STK35: variants seen among roughly 807,000 people sequenced by gnomAD.
The protein encoded by STK35 is serine/threonine kinase 35.
STK35 carries 17 observed loss-of-function variants against 37.3 expected under a neutral mutation model. The ratio of observed to expected loss-of-function variants is 0.46; its 90% CI spans 0.31 to 0.68. STK35 has a LOEUF of 0.68. STK35 is among the 30% of genes least tolerant of loss of function. The probability of loss-of-function intolerance (pLI) is 0.05; values close to 1 mark genes in which losing one functional copy is unlikely to be tolerated. For missense variants in STK35, 595 were observed against 746.7 expected (o/e 0.80, Z 2.37); for synonymous variants, 385 against 319.1 (o/e 1.21, Z -2.20).
In STK35 at chr20:2,123,048, T is replaced by C. The variant is rs144202571; in HGVS notation, c.*37+5633T>C. Among the ~76,000 whole-genome samples the C allele has an allele frequency of 5.8e-4, 89 of 152,290 alleles. 2 individuals carry two copies. The East Asian group carries it at 0.014, about 23-fold the overall frequency. On this transcript the variant is annotated intron_variant, in intron 3 of 3. Transcript: ENST00000381482. Reference sequence around the variant, plus strand: ...ATGCAGGAAGCCAGCCAAACTGATGTTCCAGGTGCCTCCGCCCACGTGTTA... The same window carrying C: ...ATGCAGGAAGCCAGCCAAACTGATGCTCCAGGTGCCTCCGCCCACGTGTTA...
intron 3 of STK35, among the ~76,000 whole-genome samples, chr20:2,124,351 C>T (rs2122564184): frequency 6.6e-6 from 1 of 152,282 alleles, no homozygotes; most frequent in African/African-American, 2.4e-5. Flanking sequence ...GAAGGTGTAA[C>T]TGCCAAGGGG....
At chr20:2,106,012 A>C (rs1288591146) in intron 2 of STK35, among the ~76,000 whole-genome samples, 4 of 152,268 alleles carry the variant, frequency 2.6e-5, no homozygotes. Flanking sequence ...GAGACAGAGC[A>C]GTGAAGAAAA....
At chr20:2,136,050 G>A (rs1300679939) in intron 3 of STK35, among the ~76,000 whole-genome samples, 1 of 151,986 alleles carries the variant, frequency 6.6e-6, no homozygotes, top group East Asian at 1.9e-4. Flanking sequence ...TAGTGCTCCA[G>A]TCATAAGTCT....
intron 3 of STK35, among the ~76,000 whole-genome samples, chr20:2,127,051 AT>A (rs202039410): frequency 4.0e-5 from 6 of 150,878 alleles, no homozygotes; most frequent in Admixed American, 6.6e-5. Flanking sequence ...GGTCACCTTT[AT>A]TTTTTTTTCC....
intron 3 of STK35, among the ~76,000 whole-genome samples, chr20:2,134,186 G>T (rs1276053475): frequency 1.3e-5 from 2 of 151,716 alleles, no homozygotes; most frequent in African/African-American, 4.8e-5. Context: ...CTTGAACCCG[G>T]GAGGCAGAGG....
Position 2,102,899 on chromosome 20 carries a change from C to A in STK35, c.426C>A (p.Arg142=). The A allele has an allele frequency of 6.4e-7, 1 of 1,565,160 alleles. No individual in the cohort carries two copies. The change falls in exon 2 of 4, where the codon CGC becomes CGA. Residue 142 remains arginine, a synonymous_variant. Transcript: ENST00000381482. ...AAMETGKDGA[R]RGTQSPERKR... ...TGGAAACGGGGAAGGACGGCGCCCG[C>A]AGAGGTACACAAAGCCCGGAGCGGA...
chr20:2,112,743 C>T (rs1985643854), intron 2 of STK35, among the ~76,000 whole-genome samples: 1 of 152,216 alleles, frequency 6.6e-6, no homozygotes, highest in South Asian at 2.1e-4. Context: ...GGCTAATTTA[C>T]CTCAAATCCT....
intron 3 of STK35, among the ~76,000 whole-genome samples, chr20:2,133,210 A>G (rs557504744): frequency 2.6e-5 from 4 of 152,064 alleles, no homozygotes; most frequent in East Asian, 3.9e-4. Flanking sequence ...TATAACCACA[A>G]ATTGTTCTGT....
chr20:2,140,936 C>G (rs1733906410), intron 3 of STK35, among the ~76,000 whole-genome samples: 1 of 152,204 alleles, frequency 6.6e-6, no homozygotes, highest in African/African-American at 2.4e-5. Flanking sequence ...TTTCAGCTGC[C>G]ACATGCTACC....
intron 3 of STK35, among the ~76,000 whole-genome samples, chr20:2,122,164 T>G (rs1985830066): frequency 6.6e-6 from 1 of 152,148 alleles, no homozygotes; most frequent in Non-Finnish European, 1.5e-5. Context: ...TGAAACCTGG[T>G]CTCTACTAAA....
At chr20:2,105,971 A>G (rs946893013) in intron 2 of STK35, among the ~76,000 whole-genome samples, 15 of 152,322 alleles carry the variant, frequency 9.8e-5, no homozygotes, top group Admixed American at 6.5e-4. Context: ...AGTCTTTAAA[A>G]TATTTGAACC....
At chr20:2,102,265 G>A (rs917566572) in intron 1 of STK35, 90 bp downstream of exon 1, 29 of 1,371,576 alleles carry the variant, frequency 2.1e-5, no homozygotes, top group African/African-American at 4.6e-5. Context: ...TCGGGTCCTC[G>A]GCCAGTCGCA....
intron 3 of STK35, among the ~76,000 whole-genome samples, chr20:2,138,215 CTA>C (rs1986117499): frequency 1.3e-5 from 2 of 152,158 alleles, no homozygotes; most frequent in African/African-American, 4.8e-5. Flanking sequence ...GTACCTTAGT[CTA>C]TGAGTATGCC....
At chr20:2,105,274 G>A (rs1461791729) in intron 2 of STK35, among the ~76,000 whole-genome samples, 1 of 151,942 alleles carries the variant, frequency 6.6e-6, no homozygotes, top group East Asian at 1.9e-4. Flanking sequence ...CTCCTTTACT[G>A]CCAATGAATG....
intron 3 of STK35, among the ~76,000 whole-genome samples, chr20:2,123,780 T>C (rs1985859579): frequency 1.3e-5 from 2 of 152,200 alleles, no homozygotes; most frequent in Admixed American, 6.5e-5. Flanking sequence ...AGGTCCACTC[T>C]ATGACTTCCT....
intron 3 of STK35, among the ~76,000 whole-genome samples, chr20:2,123,784 A>G (rs1985859729): frequency 6.6e-6 from 1 of 152,158 alleles, no homozygotes; most frequent in African/African-American, 2.4e-5. Flanking sequence ...CCACTCTATG[A>G]CTTCCTGGCC....
rs1426675209 is a variant in STK35, at chr20:2,117,779, G to A, written c.*37+364G>A. On this transcript the variant is annotated intron_variant, in intron 3 of 3. Coordinates refer to ENST00000381482, the MANE Select transcript of STK35 (RefSeq NM_080836.4). The surrounding 1 kb of genome is among the most constrained non-coding windows in gnomAD (Gnocchi z 4.4). Reference sequence around the variant, plus strand: ...TTTCTGTATGCCCACTTCTTGGACCGGGTTCTTCATTCTGGACCCTGGCAT... The same window carrying A: ...TTTCTGTATGCCCACTTCTTGGACCAGGTTCTTCATTCTGGACCCTGGCAT... Among the ~76,000 whole-genome samples the A allele has an allele frequency of 2.0e-5, 3 of 152,088 alleles. No individual in the cohort carries two copies. Among genetic ancestry groups the A allele is most frequent in the Admixed American group, 6.5e-5 (1 of 15,270 alleles).
At chr20:2,142,637 G>C (rs1202759734) in intron 3 of STK35, among the ~76,000 whole-genome samples, 1 of 152,214 alleles carries the variant, frequency 6.6e-6, no homozygotes, top group Non-Finnish European at 1.5e-5. Context: ...GTGCCCTGTA[G>C]TCACAGCTAC....
chr20:2,103,748 C>T (rs1985457468), intron 2 of STK35, among the ~76,000 whole-genome samples: 2 of 152,312 alleles, frequency 1.3e-5, no homozygotes, highest in South Asian at 4.1e-4. Flanking sequence ...GAGGGCCTCT[C>T]TCTTTCCCTC....
Sources: allele counts gnomAD v4.1 joint callset (sites outside exome capture counted in the v4.1 genomes callset), GRCh38; gene constraint gnomAD v4.1.1; non-coding constraint Gnocchi (gnomAD v3.1); transcripts MANE v1.5; gene names NCBI Gene and HGNC (gene_info 2026-07-23, HGNC 2026-07-21).